Variants in SLC24A4 observed in about 807,000 individuals in gnomAD.
SLC24A4 encodes the protein sodium/potassium/calcium exchanger 4.
SLC24A4 carries 53 observed loss-of-function variants against 79.0 expected under a neutral mutation model. The ratio of observed to expected loss-of-function variants is 0.67; its 90% CI spans 0.54 to 0.84. The LOEUF is 0.84. SLC24A4 is among the 40% of genes least tolerant of loss of function. The pLI, the probability that SLC24A4 is intolerant of heterozygous loss-of-function variation, is 0.00. For synonymous variants in SLC24A4, 323 were observed against 323.8 expected (o/e 1.00, Z 0.03); for missense variants, 731 against 822.0 (o/e 0.89, Z 1.35).
chr14:92,501,420 A>C lies in SLC24A4; in HGVS notation c.*7792A>C, dbSNP rs1896155296. 6.6e-6 allele frequency: 1 copy of C among 152,258 alleles called. No homozygotes were observed. Among genetic ancestry groups the C allele is most frequent in the African/African-American group, 2.4e-5 (1 of 41,468 alleles). 9.4% of individuals were successfully genotyped at this position (152,258 alleles called of 1,614,324 possible). A position where few individuals can be genotyped will look rare whatever the true frequency, so the allele number is the denominator to read the frequency against. On this transcript the variant is annotated 3_prime_UTR_variant, in exon 17 of 17. Transcript: ENST00000532405. Reference sequence around the variant, plus strand: ...ACTAAACCTTTCTAAGAAATCTAGCAGTCAGTATTGTAATGCAATATATCA... The same window carrying C: ...ACTAAACCTTTCTAAGAAATCTAGCCGTCAGTATTGTAATGCAATATATCA...
In SLC24A4 at chr14:92,443,408, T is replaced by C. The variant is rs147787479; in HGVS notation, c.591T>C (p.Arg197=). The part of the protein sequence containing the change: ...VCGLFAGQVV[R]LTWWAVCRDS... Reference sequence around the variant, plus strand: ...CGGGGCTCTGCTGGCAGGTGGTCCGTCTGACGTGGTGGGCCGTGTGCCGAG... The same window carrying C: ...CGGGGCTCTGCTGGCAGGTGGTCCGCCTGACGTGGTGGGCCGTGTGCCGAG... Residue 197 remains arginine, a synonymous_variant, in exon 7 of 17, where the codon CGT becomes CGC. Coordinates refer to ENST00000532405, the MANE Select transcript of SLC24A4 (RefSeq NM_153646.4). The C allele has an allele frequency of 3.7e-4, 593 of 1,614,000 alleles. No homozygotes were observed. Among genetic ancestry groups the C allele is most frequent in the Non-Finnish European group, 4.8e-4 (572 of 1,180,010 alleles).
In SLC24A4 at chr14:92,392,073, A is replaced by G. The variant is rs147259182; in HGVS notation, c.242-41839A>G. Among the ~76,000 whole-genome samples the G allele has an allele frequency of 7.4e-3, 1,129 of 152,204 alleles. 20 individuals are homozygous for G. Among genetic ancestry groups the G allele is most frequent in the African/African-American group, 0.025 (1,054 of 41,524 alleles). On this transcript the variant is annotated intron_variant, in intron 2 of 16. Coordinates refer to ENST00000532405, the MANE Select transcript of SLC24A4 (RefSeq NM_153646.4). ...CCTGGTTGCTTAAGGACACTCCAGG[A>G]GACATCTTTCTCAAACAACTCCTTC... is the stretch of plus-strand genomic sequence containing the variant.
chr14:92,376,421 C>G (rs1888504410), intron 2 of SLC24A4, among the ~76,000 whole-genome samples: 1 of 152,244 alleles, frequency 6.6e-6, no homozygotes, highest in East Asian at 1.9e-4. Context: ...GGAATGTACT[C>G]CAAGCCCACG....
chr14:92,399,671 G>C (rs1409611086), intron 2 of SLC24A4, among the ~76,000 whole-genome samples: 1 of 152,162 alleles, frequency 6.6e-6, no homozygotes, highest in Non-Finnish European at 1.5e-5. Context: ...AGCTGGTTTT[G>C]CGCTATGAAG....
At chr14:92,324,069 A>C in intron 1 of SLC24A4, 109 bp downstream of exon 1, 3 of 1,443,098 alleles carry the variant, frequency 2.1e-6, no homozygotes, top group Non-Finnish European at 2.8e-6. Flanking sequence ...GGTTGGTCCC[A>C]AGGGTTCATC....
intron 2 of SLC24A4, among the ~76,000 whole-genome samples, chr14:92,386,161 T>C (rs1397842642): frequency 1.3e-5 from 2 of 152,110 alleles, no homozygotes; most frequent in South Asian, 2.1e-4. Flanking sequence ...TTTCGTTTTT[T>C]TCCCCTTTCG....
intron 2 of SLC24A4, among the ~76,000 whole-genome samples, chr14:92,359,553 C>T (rs1055707916): frequency 4.0e-5 from 6 of 151,806 alleles, no homozygotes; most frequent in Non-Finnish European, 7.4e-5. Flanking sequence ...GAGCCAAGAT[C>T]GCACCATTAC....
chr14:92,410,317 G>A (rs139928981), intron 2 of SLC24A4, among the ~76,000 whole-genome samples: 3 of 152,272 alleles, frequency 2.0e-5, no homozygotes, highest in African/African-American at 7.2e-5. Context: ...GAGTAACTGG[G>A]ACTACAGGTG....
intron 2 of SLC24A4, among the ~76,000 whole-genome samples, chr14:92,405,927 C>G (rs765400012): frequency 8.5e-5 from 13 of 152,162 alleles, no homozygotes; most frequent in Non-Finnish European, 1.6e-4. Flanking sequence ...AGTCTTAACT[C>G]ATTTCAGTAT....
chr14:92,413,579 C>T (rs543816440), intron 2 of SLC24A4, among the ~76,000 whole-genome samples: 57 of 152,332 alleles, frequency 3.7e-4, no homozygotes, highest in Admixed American at 6.5e-4. Context: ...CCCCCTCCTC[C>T]GTAGGTTGCA....
At chr14:92,397,032 A>C (rs1473928465) in intron 2 of SLC24A4, among the ~76,000 whole-genome samples, 1 of 152,262 alleles carries the variant, frequency 6.6e-6, no homozygotes, top group Non-Finnish European at 1.5e-5. Flanking sequence ...GTAAGATAGA[A>C]AGTGTACATT....
intron 2 of SLC24A4, among the ~76,000 whole-genome samples, chr14:92,406,245 T>C (rs1168826188): frequency 1.3e-5 from 2 of 152,254 alleles, no homozygotes; most frequent in African/African-American, 4.8e-5. Context: ...TGGGCAGCTC[T>C]GTCCCTCTGG....
At chr14:92,324,104 A>G in intron 1 of SLC24A4, 144 bp downstream of exon 1, 1 of 1,200,704 alleles carries the variant, frequency 8.3e-7, no homozygotes, top group Non-Finnish European at 1.1e-6. Flanking sequence ...CCGGGCAGGT[A>G]GAGCGCGCCC....
Position 92,324,094 on chromosome 14 carries a change from C to T in SLC24A4, c.130+134C>T, listed in dbSNP as rs1325510198. ...AAGGGTTCATCCAGTCCCCTCCCCG[C>T]CGGGCAGGTAGAGCGCGCCCAGAAG... is the stretch of plus-strand genomic sequence containing the variant. On this transcript the variant is annotated intron_variant, in intron 1 of 16. Transcript: ENST00000532405. 3.7e-5 allele frequency: 47 copies of T among 1,258,728 alleles called. No individual in the cohort carries two copies. The South Asian group carries it at 4.7e-4, about 13-fold the overall frequency. 78.0% of individuals were successfully genotyped at this position (1,258,728 alleles called of 1,614,324 possible). A position where few individuals can be genotyped will look rare whatever the true frequency, so the allele number is the denominator to read the frequency against.
intron 2 of SLC24A4, among the ~76,000 whole-genome samples, chr14:92,430,748 G>T (rs554512054): frequency 1.8e-4 from 28 of 152,192 alleles, no homozygotes; most frequent in Non-Finnish European, 3.7e-4. Flanking sequence ...GCAGGGGTGG[G>T]GGCTGGGATC....
chr14:92,410,127 T>C (rs1417781078), intron 2 of SLC24A4, among the ~76,000 whole-genome samples: 10 of 152,166 alleles, frequency 6.6e-5, no homozygotes, highest in Non-Finnish European at 1.5e-4. Context: ...AACAAATCCC[T>C]GTGACGCAAG....
At chr14:92,465,083 G>A (rs975178207) in intron 12 of SLC24A4, among the ~76,000 whole-genome samples, 2 of 152,220 alleles carry the variant, frequency 1.3e-5, no homozygotes, top group African/African-American at 2.4e-5. Flanking sequence ...AGAACAACGT[G>A]TTCCCTGATT....
At chr14:92,404,327 A>G (rs1470593486) in intron 2 of SLC24A4, among the ~76,000 whole-genome samples, 1 of 152,206 alleles carries the variant, frequency 6.6e-6, no homozygotes, top group Non-Finnish European at 1.5e-5. Flanking sequence ...CAAATCACAC[A>G]ACTTTTTTTG....
chr14:92,368,355 G>A (rs1451533836), intron 2 of SLC24A4, among the ~76,000 whole-genome samples: 1 of 152,212 alleles, frequency 6.6e-6, no homozygotes. Flanking sequence ...ACGTTGAAAG[G>A]ATAGGAGACA....
Sources: gnomAD v4.1 joint callset for allele counts (sites outside exome capture counted in the v4.1 genomes callset) on GRCh38, gnomAD v4.1.1 for gene constraint, MANE v1.5 for transcripts, NCBI Gene and HGNC (gene_info 2026-07-23, HGNC 2026-07-21) for gene names.